Variants in MTSS1 observed in about 807,000 individuals in gnomAD.
MTSS1 encodes MTSS I-BAR domain containing 1, also known as protein MTSS 1.
In MTSS1, 18 loss-of-function variants were observed where a neutral mutation model predicts 79.0. That is an observed-to-expected ratio of 0.23 (90% confidence interval 0.16 to 0.34). The LOEUF is 0.34. Ranked by LOEUF, MTSS1 falls within the 10% of genes least tolerant of loss-of-function variation. The pLI is 1.00. For synonymous variants in MTSS1, 341 were observed against 368.6 expected, an observed-to-expected ratio of 0.93 and a Z score of 0.86; for missense variants, 815 against 986.2, an observed-to-expected ratio of 0.83 and a Z score of 2.33.
chr8:124,571,751 G>T (rs2132188454), intron 6 of MTSS1, among the ~76,000 whole-genome samples: 1 of 152,344 alleles, frequency 6.6e-6, no homozygotes, highest in South Asian at 2.1e-4. Flanking sequence ...GGATCATGAG[G>T]TCAGGAGTTC....
intron 3 of MTSS1, among the ~76,000 whole-genome samples, chr8:124,622,895 C>T (rs1813882774): frequency 6.6e-6 from 1 of 152,048 alleles, no homozygotes; most frequent in Non-Finnish European, 1.5e-5. Flanking sequence ...TGTTGTACAC[C>T]TTAAATATAC....
At chr8:124,686,819 A>T (rs1827062010) in intron 3 of MTSS1, among the ~76,000 whole-genome samples, 1 of 152,170 alleles carries the variant, frequency 6.6e-6, no homozygotes, top group South Asian at 2.1e-4. Context: ...CTGATCCCTG[A>T]GGTGGGAAGA....
intron 3 of MTSS1, among the ~76,000 whole-genome samples, 176 bp from the exon 4 acceptor site, chr8:124,591,411 A>G (rs542649294): frequency 6.6e-6 from 1 of 152,382 alleles, no homozygotes; most frequent in South Asian, 2.1e-4. Context: ...GTAAACATGT[A>G]TGTACGTATG....
intron 6 of MTSS1, among the ~76,000 whole-genome samples, chr8:124,573,702 G>A (rs1828346700): frequency 6.6e-6 from 1 of 152,222 alleles, no homozygotes; most frequent in African/African-American, 2.4e-5. Context: ...AGAGGAGGAG[G>A]GAGGGGGTGC....
intron 3 of MTSS1, among the ~76,000 whole-genome samples, chr8:124,682,769 G>A (rs1826337519): frequency 6.6e-6 from 1 of 152,204 alleles, no homozygotes; most frequent in African/African-American, 2.4e-5. Context: ...ACCCAGTGTA[G>A]ACATTGTCCT....
At chr8:124,701,668 T>C (rs1046437783) in intron 2 of MTSS1, among the ~76,000 whole-genome samples, 1 of 152,206 alleles carries the variant, frequency 6.6e-6, no homozygotes, top group East Asian at 1.9e-4. Flanking sequence ...GTGTCTTGCA[T>C]ATTACACAGT....
intron 8 of MTSS1, 84 bp downstream of exon 8, chr8:124,566,987 T>C (rs1336732500): frequency 9.7e-7 from 1 of 1,035,996 alleles, no homozygotes; most frequent in Non-Finnish European, 1.5e-6. Context: ...ATTTAAGACG[T>C]GACACATGCC....
rs1203036409 is a variant in MTSS1 at position 124,582,878 on chromosome 8, T to C, written c.460+2209A>G. The stretch of plus-strand genomic sequence containing the variant: ...TTCAGTCCATTCTCAGCCATACATA[T>C]GCCTCCTAGGAGAGCTCTCCATAAA... On this transcript the variant is annotated intron_variant, in intron 6 of 13. Transcript: ENST00000518547. The surrounding 1 kb of genome is among the most constrained non-coding windows in gnomAD (Gnocchi z 4.8). Among the ~76,000 whole-genome samples the C allele has an allele frequency of 6.6e-6, 1 of 152,298 alleles. No homozygotes were observed. The highest frequency in any genetic ancestry group is 2.4e-5 in the African/African-American group (1 of 41,572).
At chr8:124,648,130 G>A (rs1819313508) in intron 3 of MTSS1, among the ~76,000 whole-genome samples, 1 of 152,106 alleles carries the variant, frequency 6.6e-6, no homozygotes, top group South Asian at 2.1e-4. Context: ...CCCCATCCCA[G>A]CATTTCAAAG....
chr8:124,602,207 A>ACACACACACACACATATATATATATATAT, intron 3 of MTSS1, among the ~76,000 whole-genome samples: 25 of 142,182 alleles, frequency 1.8e-4, no homozygotes, highest in South Asian at 2.2e-4. Context: ...ATATATATAT[A>ACACACACACACACATATATATATATATAT]ATTTTTTTTT....
At chr8:124,649,471 C>G (rs114407152) in intron 3 of MTSS1, among the ~76,000 whole-genome samples, 4,644 of 152,140 alleles carry the variant, frequency 0.031, 251 homozygotes, top group African/African-American at 0.1. Flanking sequence ...ATCACATGAC[C>G]CTGGCGAGCC....
intron 3 of MTSS1, among the ~76,000 whole-genome samples, chr8:124,645,817 A>T (rs1219407369): frequency 6.6e-6 from 1 of 152,132 alleles, no homozygotes; most frequent in Non-Finnish European, 1.5e-5. Flanking sequence ...GTTCCCAAAG[A>T]GACAAAACCC....
chr8:124,556,768 A>G (rs1363315307), intron 11 of MTSS1, among the ~76,000 whole-genome samples: 1 of 152,240 alleles, frequency 6.6e-6, no homozygotes, highest in African/African-American at 2.4e-5. Flanking sequence ...GCGCTCCTTA[A>G]CAACCCAGAT....
At chr8:124,573,089 C>A (rs1828193737) in intron 6 of MTSS1, among the ~76,000 whole-genome samples, 1 of 152,228 alleles carries the variant, frequency 6.6e-6, no homozygotes, top group African/African-American at 2.4e-5. Flanking sequence ...TGCTTTTCAA[C>A]AGCTCCCATT....
At chr8:124,705,611 G>A (rs1361533045) in intron 1 of MTSS1, among the ~76,000 whole-genome samples, 1 of 152,182 alleles carries the variant, frequency 6.6e-6, no homozygotes, top group African/African-American at 2.4e-5. Flanking sequence ...TGATTTTCTT[G>A]TTCAGGAAAG....
chr8:124,663,405 C>T (rs900020722), intron 3 of MTSS1, among the ~76,000 whole-genome samples: 3 of 152,104 alleles, frequency 2.0e-5, no homozygotes, highest in Admixed American at 6.5e-5. Context: ...AACCCCTGTG[C>T]TCACTCGGCC....
intron 4 of MTSS1, among the ~76,000 whole-genome samples, chr8:124,590,299 C>T (rs1461301404): frequency 1.3e-5 from 2 of 152,220 alleles, no homozygotes; most frequent in Non-Finnish European, 2.9e-5. Flanking sequence ...CTGAGAGCTG[C>T]ACAACAGGGA....
chr8:124,567,579 A>G (rs1446141596), intron 7 of MTSS1: 6 of 1,368,342 alleles, frequency 4.4e-6, no homozygotes, highest in African/African-American at 2.9e-5. Context: ...TTTGGTCCAG[A>G]TCTTTGTGAC....
intron 3 of MTSS1, among the ~76,000 whole-genome samples, chr8:124,627,871 A>G (rs1815032425): frequency 6.6e-6 from 1 of 152,242 alleles, no homozygotes; most frequent in Non-Finnish European, 1.5e-5. Context: ...TCTTACAGAT[A>G]GAAAACTAGC....
Sources: allele counts gnomAD v4.1 joint callset (sites outside exome capture counted in the v4.1 genomes callset), GRCh38; gene constraint gnomAD v4.1.1; non-coding constraint Gnocchi (gnomAD v3.1); transcripts MANE v1.5; gene names NCBI Gene and HGNC (gene_info 2026-07-23, HGNC 2026-07-21).